Variants in NCKAP5 observed in about 807,000 individuals in gnomAD.
NCKAP5 encodes NCK associated protein 5.
NCKAP5 carries 92 observed loss-of-function variants against 167.0 expected under a neutral mutation model. The observed-to-expected ratio is 0.55, with a 90% CI of 0.47 to 0.66. The LOEUF (loss-of-function observed/expected upper bound fraction) is 0.66. Ranked by LOEUF, NCKAP5 falls within the 30% of genes least tolerant of loss-of-function variation. The probability of loss-of-function intolerance (pLI) is 0.00; values close to 1 mark genes in which losing one functional copy is unlikely to be tolerated. For missense variants in NCKAP5, 2,378 were observed against 2,315.0 expected, an observed-to-expected ratio of 1.03 and a Z score of -0.56; for synonymous variants, 891 against 877.4, an observed-to-expected ratio of 1.02 and a Z score of -0.27.
intron 3 of NCKAP5, among the ~76,000 whole-genome samples, chr2:133,362,409 C>G (rs753434266): frequency 6.6e-6 from 1 of 152,144 alleles, no homozygotes; most frequent in Admixed American, 6.5e-5. Flanking sequence ...TCTGGGGAAT[C>G]ATGATGAGTC....
At chr2:133,469,101 A>T (rs1300749683) in intron 3 of NCKAP5, among the ~76,000 whole-genome samples, 1 of 150,016 alleles carries the variant, frequency 6.7e-6, no homozygotes, top group African/African-American at 2.5e-5. Context: ...GTTTCTTCCT[A>T]GTCTCGATGG....
chr2:133,129,067 C>T (rs968118373), intron 6 of NCKAP5, among the ~76,000 whole-genome samples: 1 of 149,876 alleles, frequency 6.7e-6, no homozygotes, highest in African/African-American at 2.5e-5. Context: ...GCGATGACCA[C>T]TGAAATCTCA....
chr2:133,158,071 G>A (rs541944156), intron 5 of NCKAP5, among the ~76,000 whole-genome samples: 1 of 152,300 alleles, frequency 6.6e-6, no homozygotes, highest in South Asian at 2.1e-4. Context: ...GAGGATATGG[G>A]TAGCCAGAGA....
chr2:133,615,820 C>G, the NCKAP5 span, among the ~76,000 whole-genome samples: 2 of 152,108 alleles, frequency 1.3e-5, no homozygotes, highest in African/African-American at 2.4e-5. Flanking sequence ...AACTACAGAA[C>G]TCTCCACCCC....
chr2:133,586,432 C>A, the NCKAP5 span, among the ~76,000 whole-genome samples: 1 of 152,266 alleles, frequency 6.6e-6, no homozygotes, highest in East Asian at 1.9e-4. Context: ...GGGTGATTTA[C>A]CATAGCCTCA....
At chr2:132,843,373 T>C (rs1688432833) in intron 11 of NCKAP5, among the ~76,000 whole-genome samples, 1 of 152,142 alleles carries the variant, frequency 6.6e-6, no homozygotes, top group South Asian at 2.1e-4. Flanking sequence ...TTAACTGCTT[T>C]GGTTTTTGGT....
intron 3 of NCKAP5, among the ~76,000 whole-genome samples, chr2:133,330,159 C>T (rs545356841): frequency 6.8e-5 from 10 of 147,300 alleles, no homozygotes; most frequent in African/African-American, 2.5e-4. Context: ...CTCTACATCC[C>T]AGGCTCAAGT....
intron 5 of NCKAP5, among the ~76,000 whole-genome samples, chr2:133,188,788 T>A (rs1251101704): frequency 1.3e-5 from 2 of 152,134 alleles, no homozygotes; most frequent in East Asian, 1.9e-4. Context: ...TAAAGCAGTG[T>A]GTAGAGGGAA....
intron 6 of NCKAP5, among the ~76,000 whole-genome samples, chr2:133,031,518 A>G (rs946275007): frequency 1.2e-4 from 19 of 152,190 alleles, no homozygotes; most frequent in Admixed American, 1.2e-3. Flanking sequence ...CTTGAAAGGC[A>G]GTCTGGGCCA....
intron 13 of NCKAP5, among the ~76,000 whole-genome samples, chr2:132,787,689 T>C (rs983005091): frequency 7.9e-5 from 12 of 152,326 alleles, no homozygotes; most frequent in African/African-American, 2.6e-4. Context: ...TCAGTGATGC[T>C]GCCCCACTTC....
chr2:133,644,957 C>G, the NCKAP5 span, among the ~76,000 whole-genome samples: 2 of 151,972 alleles, frequency 1.3e-5, no homozygotes, highest in Non-Finnish European at 1.5e-5. Context: ...AATCTATGAC[C>G]ATGAACATAA....
chr2:133,618,561 C>G, the NCKAP5 span, among the ~76,000 whole-genome samples: 1 of 150,372 alleles, frequency 6.7e-6, no homozygotes, highest in East Asian at 2.0e-4. Context: ...AAAATGCTCA[C>G]CATCACTGGC....
Position 132,794,664 on chromosome 2 carries a change from C to CACACACACAT in NCKAP5, c.909+1963_909+1964insATGTGTGTGT, listed in dbSNP as rs1553444176. Among the ~76,000 whole-genome samples, 1,125 of 151,500 alleles carry CACACACACAT rather than the reference C, an allele frequency of 7.4e-3. 14 individuals carry two copies. Among genetic ancestry groups the CACACACACAT allele is most frequent in the African/African-American group, 0.026 (1,075 of 41,226 alleles). On this transcript the variant is annotated intron_variant, in intron 12 of 19. Coordinates refer to ENST00000409261, the MANE Select transcript of NCKAP5 (RefSeq NM_207363.3). ...AACAACAAATACACACACACACACACACACACACACACACACACATACACA... is the reference window on the plus strand; with the variant it reads ...AACAACAAATACACACACACACACACACACACACATACACACACACACACACACATACACA...
rs188742018 is a variant in NCKAP5 at position 133,255,294 on chromosome 2, T to C, written c.144-41515A>G. Among the ~76,000 whole-genome samples the C allele has an allele frequency of 1.1e-3, 174 of 152,330 alleles. 1 individual carries two copies. The highest frequency in any genetic ancestry group is 4.0e-3 in the African/African-American group (168 of 41,582). Reference sequence around the variant, plus strand: ...ATAAATGTTCTTATAAATACTGTTTTGTTTCCAGAGCTTTGGGACACATCA... The same window carrying C: ...ATAAATGTTCTTATAAATACTGTTTCGTTTCCAGAGCTTTGGGACACATCA... On this transcript the variant is annotated intron_variant, in intron 4 of 19. Coordinates refer to ENST00000409261, the MANE Select transcript of NCKAP5 (RefSeq NM_207363.3).
At chr2:133,044,642 G>A (rs1401833647) in intron 6 of NCKAP5, among the ~76,000 whole-genome samples, 2 of 152,160 alleles carry the variant, frequency 1.3e-5, no homozygotes, top group African/African-American at 4.8e-5. Context: ...ATAAATCGGT[G>A]CAACCATTCT....
At chr2:132,871,799 T>C (rs1237024822) in intron 9 of NCKAP5, among the ~76,000 whole-genome samples, 1 of 152,178 alleles carries the variant, frequency 6.6e-6, no homozygotes, top group East Asian at 1.9e-4. Flanking sequence ...TGCGCTTCTT[T>C]GAAAAATATC....
chr2:132,674,474 A>T (rs1684169259), intron 19 of NCKAP5, among the ~76,000 whole-genome samples: 1 of 152,150 alleles, frequency 6.6e-6, no homozygotes, highest in Non-Finnish European at 1.5e-5. Flanking sequence ...AAAGGACACA[A>T]TGTCCTGTTT....
chr2:133,245,366 C>T (rs936369252), intron 4 of NCKAP5, among the ~76,000 whole-genome samples: 1 of 151,748 alleles, frequency 6.6e-6, no homozygotes, highest in African/African-American at 2.4e-5. Context: ...GAAAAAACAG[C>T]GAGAAAAAAA....
intron 3 of NCKAP5, among the ~76,000 whole-genome samples, chr2:133,452,826 T>C (rs1473430709): frequency 6.6e-6 from 1 of 152,158 alleles, no homozygotes; most frequent in African/African-American, 2.4e-5. Context: ...AAGCCATGTG[T>C]GGCCTCTTTC....
Sources: allele counts gnomAD v4.1 joint callset (sites outside exome capture counted in the v4.1 genomes callset), GRCh38; gene constraint gnomAD v4.1.1; transcripts MANE v1.5; gene names NCBI Gene and HGNC (gene_info 2026-07-23, HGNC 2026-07-21).